XRCC4: variants seen among roughly 807,000 people sequenced by gnomAD.
The protein encoded by XRCC4 is X-ray repair cross complementing 4, also known as DNA repair protein XRCC4.
Under a neutral mutation model 39.1 loss-of-function variants are expected in XRCC4, and 28 were observed. That is an observed-to-expected ratio of 0.72 (90% CI 0.53 to 0.98). The LOEUF is 0.98. XRCC4 is among the 50% of genes least tolerant of loss of function. XRCC4 has a pLI of 0.00. For missense variants in XRCC4, 350 were observed against 376.4 expected (o/e 0.93, Z 0.58); for synonymous variants, 123 against 126.4 (o/e 0.97, Z 0.18).
chr5:83,109,510 A>G (rs929101653), intron 2 of XRCC4, among the ~76,000 whole-genome samples: 4 of 151,980 alleles, frequency 2.6e-5, no homozygotes, highest in Admixed American at 6.6e-5. Flanking sequence ...GACTTTTATC[A>G]TTACTGTGAT....
At position 83,213,525 on chromosome 5, in the gene XRCC4, T is replaced by A. The variant is rs148422394; in HGVS notation, c.745+8604T>A. ...CTATATTTGCCACATATAAAGATAT[T>A]ATTAATATGAAATAGATTATTAAGT... On this transcript the variant is annotated intron_variant, in intron 6 of 7. Coordinates refer to ENST00000396027, the MANE Select transcript of XRCC4 (RefSeq NM_003401.5). Among the ~76,000 whole-genome samples the A allele has an allele frequency of 2.5e-3, 386 of 152,190 alleles. 1 individual carries two copies. The highest frequency in any genetic ancestry group is 9.0e-3 in the African/African-American group (372 of 41,550).
intron 3 of XRCC4, among the ~76,000 whole-genome samples, chr5:83,174,539 G>A (rs1409217954): frequency 2.0e-5 from 3 of 152,132 alleles, no homozygotes; most frequent in Non-Finnish European, 4.4e-5. Flanking sequence ...AGTAACTGCT[G>A]TACTATTTGA....
chr5:83,089,220 G>C (rs1745311392), intron 1 of XRCC4, among the ~76,000 whole-genome samples: 1 of 152,108 alleles, frequency 6.6e-6, no homozygotes, highest in Non-Finnish European at 1.5e-5. Flanking sequence ...CCAGCACATG[G>C]GAATCTAACA....
chr5:83,243,440 C>G (rs1003967665), intron 6 of XRCC4, among the ~76,000 whole-genome samples: 24 of 152,228 alleles, frequency 1.6e-4, no homozygotes, highest in African/African-American at 5.8e-4. Context: ...TGTACATACA[C>G]TTCCCTGGTG....
intron 3 of XRCC4, among the ~76,000 whole-genome samples, chr5:83,190,700 A>G (rs1449754455): frequency 6.6e-6 from 1 of 152,172 alleles, no homozygotes; most frequent in East Asian, 1.9e-4. Flanking sequence ...ACTCTCTAGG[A>G]ATTAAGTTAT....
chr5:83,242,012 T>C (rs1360445560), intron 6 of XRCC4, among the ~76,000 whole-genome samples: 2 of 150,318 alleles, frequency 1.3e-5, no homozygotes, highest in African/African-American at 4.9e-5. Flanking sequence ...TGTCTCAGGG[T>C]GGCAGAGTCG....
intron 1 of XRCC4, among the ~76,000 whole-genome samples, chr5:83,082,623 C>G (rs1199789649): frequency 6.6e-6 from 1 of 152,184 alleles, no homozygotes; most frequent in Admixed American, 6.5e-5. Context: ...CTACAATAGT[C>G]TACATCAGTC....
At chr5:83,078,620 A>G (rs1179440601) in intron 1 of XRCC4, among the ~76,000 whole-genome samples, 6 of 152,224 alleles carry the variant, frequency 3.9e-5, no homozygotes, top group Admixed American at 1.3e-4. Flanking sequence ...AGGGCACACA[A>G]AGGTTTTGTT....
At chr5:83,208,930 A>G (rs1366662724) in intron 6 of XRCC4, among the ~76,000 whole-genome samples, 2 of 152,094 alleles carry the variant, frequency 1.3e-5, no homozygotes, top group African/African-American at 2.4e-5. Context: ...TATTAAGATT[A>G]TGATAAATAT....
intron 3 of XRCC4, among the ~76,000 whole-genome samples, chr5:83,191,041 C>T (rs753699173): frequency 5.9e-5 from 9 of 152,060 alleles, no homozygotes; most frequent in African/African-American, 2.2e-4. Context: ...TTTTATCAAG[C>T]ACATAGTATG....
chr5:83,374,356 A>C, the XRCC4 span, among the ~76,000 whole-genome samples: 1 of 152,124 alleles, frequency 6.6e-6, no homozygotes, highest in East Asian at 1.9e-4. Context: ...TGCTTGGTTT[A>C]TATTCACTCT....
At chr5:83,111,340 A>T (rs1397331152) in intron 3 of XRCC4, 137 bp downstream of exon 3, 4 of 549,236 alleles carry the variant, frequency 7.3e-6, no homozygotes, top group Non-Finnish European at 1.2e-5. Flanking sequence ...TTGGTTTCCA[A>T]ATTAGAAGAA....
intron 7 of XRCC4, among the ~76,000 whole-genome samples, chr5:83,348,645 G>A (rs1358186895): frequency 3.3e-5 from 5 of 152,224 alleles, no homozygotes; most frequent in Non-Finnish European, 1.5e-5. Flanking sequence ...GAAGATCTCT[G>A]AAATGCCTTG....
intron 3 of XRCC4, among the ~76,000 whole-genome samples, chr5:83,166,630 ATTT>A (rs549500319): frequency 7.4e-6 from 1 of 135,154 alleles, no homozygotes; most frequent in Admixed American, 7.4e-5. Flanking sequence ...CGCCTAGCTA[ATTT>A]TTTTTTTTTT....
chr5:83,113,937 A>G (rs1746578617), intron 3 of XRCC4, among the ~76,000 whole-genome samples: 1 of 152,122 alleles, frequency 6.6e-6, no homozygotes, highest in Non-Finnish European at 1.5e-5. Context: ...AGACATTTCT[A>G]TACATCATCT....
rs761082586 is a variant in XRCC4, at chr5:83,088,769, C to T, written c.-11+11154C>T. ...GTTTGAAGATTGTTGATGCATATAACATTTCCAACTTCCTTCTAATAAGAT... is the reference window on the plus strand; with the variant it reads ...GTTTGAAGATTGTTGATGCATATAATATTTCCAACTTCCTTCTAATAAGAT... On this transcript the variant is annotated intron_variant, in intron 1 of 7. Transcript: ENST00000396027. Among the ~76,000 whole-genome samples the T allele has an allele frequency of 3.7e-4, 56 of 152,146 alleles. 1 individual carries two copies. The highest frequency in any genetic ancestry group is 7.4e-4 in the Non-Finnish European group (50 of 68,022).
intron 3 of XRCC4, among the ~76,000 whole-genome samples, chr5:83,153,893 C>G (rs955760459): frequency 1.3e-5 from 2 of 152,188 alleles, no homozygotes; most frequent in African/African-American, 4.8e-5. Flanking sequence ...GTAGAAGACA[C>G]TTTTTATTCA....
At chr5:83,172,690 C>T (rs1262951794) in intron 3 of XRCC4, among the ~76,000 whole-genome samples, 1 of 152,042 alleles carries the variant, frequency 6.6e-6, no homozygotes, top group African/African-American at 2.4e-5. Context: ...TTAGAAGTAG[C>T]TACTCATGTT....
At chr5:83,337,145 GCAAATACCCTTGA>G (rs1756618639) in intron 7 of XRCC4, among the ~76,000 whole-genome samples, 2 of 152,016 alleles carry the variant, frequency 1.3e-5, no homozygotes, top group African/African-American at 4.8e-5. Flanking sequence ...GAGAAAAAAG[GCAAATACCCTTGA>G]CAAGAGGATT....
Sources: gnomAD v4.1 joint callset for allele counts (sites outside exome capture counted in the v4.1 genomes callset) on GRCh38, gnomAD v4.1.1 for gene constraint, MANE v1.5 for transcripts, NCBI Gene and HGNC (gene_info 2026-07-23, HGNC 2026-07-21) for gene names.